The following STK17B variants were observed in gnomAD, a reference collection of about 807,000 sequenced individuals.
STK17B encodes serine/threonine-protein kinase 17B.
Under a neutral mutation model 42.0 loss-of-function variants are expected in STK17B, and 21 were observed. The observed-to-expected ratio is 0.50, with a 90% confidence interval of 0.35 to 0.72. The LOEUF (loss-of-function observed/expected upper bound fraction) is 0.72. STK17B is among the 30% of genes least tolerant of loss of function. The pLI is 0.00. For synonymous variants in STK17B, 143 were observed against 148.4 expected, an observed-to-expected ratio of 0.96 and a Z score of 0.26; for missense variants, 349 against 446.0, an observed-to-expected ratio of 0.78 and a Z score of 1.96.
chr2:196,156,875 A>G (rs1699746502), intron 2 of STK17B, among the ~76,000 whole-genome samples: 1 of 152,240 alleles, frequency 6.6e-6, no homozygotes, highest in Non-Finnish European at 1.5e-5. Flanking sequence ...ACAACAGGAT[A>G]AGACAGAATT....
intron 1 of STK17B, among the ~76,000 whole-genome samples, chr2:196,164,497 A>G (rs150444189): frequency 1.5e-3 from 222 of 152,380 alleles, no homozygotes; most frequent in African/African-American, 5.1e-3. Flanking sequence ...AACAGATACT[A>G]TATTTCAAGA....
intron 1 of STK17B, among the ~76,000 whole-genome samples, chr2:196,165,178 G>A (rs915027812): frequency 2.6e-5 from 4 of 152,182 alleles, no homozygotes; most frequent in Non-Finnish European, 4.4e-5. Flanking sequence ...GGTCATTAAA[G>A]TGGGCCAATT....
intron 3 of STK17B, chr2:196,153,792 A>T (rs1265348473): frequency 6.6e-6 from 1 of 152,232 alleles, no homozygotes; most frequent in African/African-American, 2.4e-5. Flanking sequence ...TGAGCATGAA[A>T]AAAAGACAGT....
At chr2:196,165,540 A>G (rs1699865816) in intron 1 of STK17B, 1 of 152,216 alleles carries the variant, frequency 6.6e-6, no homozygotes. Context: ...CACTCCCACT[A>G]GCACTGGATG....
intron 3 of STK17B, among the ~76,000 whole-genome samples, chr2:196,155,846 G>T (rs1406631079): frequency 2.6e-5 from 4 of 152,256 alleles, no homozygotes; most frequent in Admixed American, 6.5e-5. Flanking sequence ...AATACTGGGG[G>T]TGTTTTCACT....
intron 1 of STK17B, among the ~76,000 whole-genome samples, chr2:196,169,690 G>A (rs958760376): frequency 1.3e-5 from 2 of 152,074 alleles, no homozygotes; most frequent in African/African-American, 4.8e-5. Flanking sequence ...CTAACACAGC[G>A]ATTAGTCAAA....
At chr2:196,171,649 GA>G (rs1183010529), upstream of STK17B, 1 of 149,370 alleles carries the variant, frequency 6.7e-6, no homozygotes, top group Non-Finnish European at 1.5e-5. Flanking sequence ...GAGCCAATCG[GA>G]ACGGGTGCGG....
At chr2:196,164,849 T>C (rs945085758) in intron 1 of STK17B, among the ~76,000 whole-genome samples, 5 of 152,186 alleles carry the variant, frequency 3.3e-5, no homozygotes, top group African/African-American at 7.2e-5. Context: ...CATAACTAGA[T>C]AGTAAAATTG....
chr2:196,133,866 C>T lies in STK17B; in HGVS notation c.*3581G>A, dbSNP rs915709417. The T allele has an allele frequency of 2.6e-5, 4 of 152,074 alleles. No individual in the cohort carries two copies. Among genetic ancestry groups the T allele is most frequent in the African/African-American group, 7.2e-5 (3 of 41,398 alleles). 9.4% of individuals were successfully genotyped at this position (152,074 alleles called of 1,614,324 possible). The stretch of plus-strand genomic sequence containing the variant: ...GAAGTTGTAATTTATGGAAAATTTA[C>T]AATTATTCTTTAAAATACTTTTATA... On this transcript the variant is annotated 3_prime_UTR_variant, in exon 8 of 8. Transcript: ENST00000263955.
intron 7 of STK17B, among the ~76,000 whole-genome samples, chr2:196,138,687 T>C (rs1025890274): frequency 2.0e-5 from 3 of 151,844 alleles, no homozygotes; most frequent in African/African-American, 7.3e-5. Flanking sequence ...GCAATTCTCC[T>C]GCCTCAGCCT....
intron 6 of STK17B, among the ~76,000 whole-genome samples, chr2:196,141,037 T>C (rs1042657699): frequency 2.4e-4 from 37 of 152,348 alleles, no homozygotes; most frequent in African/African-American, 8.2e-4. Flanking sequence ...AGAGAGAGAT[T>C]TTCCTATTAA....
intron 3 of STK17B, among the ~76,000 whole-genome samples, chr2:196,152,355 C>T (rs1032171894): frequency 1.3e-5 from 2 of 152,316 alleles, no homozygotes; most frequent in Admixed American, 1.3e-4. Context: ...GATCCTCCTG[C>T]CCTGGCCTCC....
chr2:196,143,173 T>C (rs1236334646), intron 5 of STK17B, among the ~76,000 whole-genome samples: 4 of 152,276 alleles, frequency 2.6e-5, no homozygotes, highest in Admixed American at 6.5e-5. Flanking sequence ...GGACCAGAAA[T>C]AGAAGTGAGA....
At position 196,137,574 on chromosome 2, in the gene STK17B, T is replaced by A; in HGVS notation, c.992A>T (p.Asn331Ile). The change falls in exon 8 of 8, where the codon AAT (asparagine) becomes ATT (isoleucine). Residue 331 changes from asparagine (N) to isoleucine (I), a missense_variant. Asn to Ile is a moderately radical substitution (Grantham distance 149, BLOSUM62 -3). Transcript: ENST00000263955. The part of the protein sequence containing the change: ...SEDKTSKSSC[N>I]GTCGDREDKE... ...GTCTTCTCTATCACCACAGGTTCCATTACAGGAGGATTTAGAAGTCTTGTC... is the reference window on the plus strand; with the variant it reads ...GTCTTCTCTATCACCACAGGTTCCAATACAGGAGGATTTAGAAGTCTTGTC... The A allele has an allele frequency of 6.2e-7, 1 of 1,614,118 alleles. No individual in the cohort carries two copies. Among genetic ancestry groups the A allele is most frequent in the Non-Finnish European group, 8.5e-7 (1 of 1,180,004 alleles).
chr2:196,174,292 C>CA (rs1268445697), upstream of STK17B: 1 of 152,208 alleles, frequency 6.6e-6, no homozygotes, highest in Admixed American at 6.5e-5. Context: ...AATGGCACGA[C>CA]ACTCACCATA....
chr2:196,145,294 C>A (rs1699555159), intron 4 of STK17B, among the ~76,000 whole-genome samples: 1 of 151,684 alleles, frequency 6.6e-6, no homozygotes, highest in Admixed American at 6.6e-5. Context: ...TGCAAGGACA[C>A]CATATAAAAA....
intron 3 of STK17B, chr2:196,152,931 A>C (rs1242702282): frequency 2.0e-5 from 3 of 152,106 alleles, no homozygotes; most frequent in Admixed American, 1.3e-4. Flanking sequence ...TGTGGTTTAA[A>C]AAAACAATTA....
chr2:196,138,887 TG>T (rs1195423744), intron 7 of STK17B, among the ~76,000 whole-genome samples: 5 of 150,320 alleles, frequency 3.3e-5, no homozygotes, highest in Non-Finnish European at 3.0e-5. Flanking sequence ...TCGCTTCTTT[TG>T]TAAGGTTGTC....
At chr2:196,158,838 C>T (rs1949519) in intron 2 of STK17B, among the ~76,000 whole-genome samples, 2,406 of 151,862 alleles carry the variant, frequency 0.016, 54 homozygotes, top group African/African-American at 0.054. Context: ...TATGAAATCC[C>T]GTCTCTACTA....
Sources: allele counts gnomAD v4.1 joint callset (sites outside exome capture counted in the v4.1 genomes callset), GRCh38; gene constraint gnomAD v4.1.1; transcripts MANE v1.5; gene names NCBI Gene and HGNC (gene_info 2026-07-23, HGNC 2026-07-21).